PC: variants seen among roughly 807,000 people sequenced by gnomAD.
PC encodes the protein pyruvate carboxylase, mitochondrial.
Under a neutral mutation model 107.8 loss-of-function variants are expected in PC, and 46 were observed. The ratio of observed to expected loss-of-function variants is 0.43; its 90% CI spans 0.34 to 0.55. The LOEUF (loss-of-function observed/expected upper bound fraction) is 0.55, where lower values mean the gene tolerates loss of function less well. PC is among the 20% of genes least tolerant of loss of function. The pLI is 0.04. For missense variants in PC, 1,241 were observed against 1,643.1 expected (o/e 0.76, Z 4.23); for synonymous variants, 662 against 684.7 (o/e 0.97, Z 0.52).
chr11:66,894,200 T>C (rs1030822317), intron 3 of PC, among the ~76,000 whole-genome samples: 7 of 152,050 alleles, frequency 4.6e-5, no homozygotes, highest in African/African-American at 1.7e-4. Flanking sequence ...AACTCAAGTC[T>C]CCTTGGGGAC....
Position 66,865,609 on chromosome 11 carries a change from G to C in PC, c.1185+578C>G, listed in dbSNP as rs570156289. ...CTTGCTGTGCTGAGGAGCCTGCCGT[G>C]GACCGCCTCAGCGCCCCCTACACCA... On this transcript the variant is annotated intron_variant, in intron 11 of 22. Transcript: ENST00000393960. Among the ~76,000 whole-genome samples the C allele has an allele frequency of 1.6e-4, 24 of 152,232 alleles. No homozygotes were observed. The South Asian group carries it at 5.0e-3, about 32-fold the overall frequency.
At chr11:66,951,035 G>A (rs1949423323) in intron 3 of PC, among the ~76,000 whole-genome samples, 1 of 152,082 alleles carries the variant, frequency 6.6e-6, no homozygotes, top group Non-Finnish European at 1.5e-5. Flanking sequence ...ATGGTAGCAC[G>A]CAGACGGCAC....
At chr11:66,917,751 C>T (rs1349903934) in intron 3 of PC, among the ~76,000 whole-genome samples, 1 of 152,304 alleles carries the variant, frequency 6.6e-6, no homozygotes, top group South Asian at 2.1e-4. Flanking sequence ...AAACTCCTGG[C>T]ATTCTGTATA....
intron 3 of PC, among the ~76,000 whole-genome samples, chr11:66,893,989 T>C (rs1382222510): frequency 6.6e-6 from 1 of 151,956 alleles, no homozygotes; most frequent in Non-Finnish European, 1.5e-5. Flanking sequence ...TCCTTCCCTC[T>C]TTTCATTTCT....
intron 3 of PC, among the ~76,000 whole-genome samples, chr11:66,905,299 GCC>G (rs1948123504): frequency 6.6e-6 from 1 of 152,212 alleles, no homozygotes; most frequent in Non-Finnish European, 1.5e-5. Flanking sequence ...GCTTGGCCTG[GCC>G]CTTAGCAAGG....
At position 66,871,292 on chromosome 11, in the gene PC, C is replaced by T. The variant is rs773608019; in HGVS notation, c.487+23G>A. 3 of 1,614,084 alleles carry T rather than the reference C, an allele frequency of 1.9e-6. No homozygotes were observed. In the East Asian group the frequency reaches 6.7e-5, roughly 36 times the overall value. On this transcript the variant is annotated intron_variant, in intron 6 of 22. Coordinates refer to ENST00000393960, the MANE Select transcript of PC (RefSeq NM_001040716.2). The surrounding 1 kb of genome is among the most constrained non-coding windows in gnomAD (Gnocchi z 7.4). ...CCTCTCCAGGAGCTGCGGGGCCACC[C>T]CTTGCTTGCCCGTTATATTCACCCG...
In PC at chr11:66,871,777, C is replaced by T; in HGVS notation, c.231G>A (p.Arg77=). The T allele has an allele frequency of 6.2e-7, 1 of 1,602,336 alleles. No individual in the cohort carries two copies. The stretch of plus-strand genomic sequence containing the variant: ...TGAGATAGGCTTCATCTGCTTTCTG[C>T]CGGTGCATCTGGCCCGTGTCCTGCT... ...YSEQDTGQMH[R]QKADEAYLIG... Residue 77 remains arginine, a synonymous_variant, in exon 5 of 23, where the codon CGG becomes CGA. Transcript: ENST00000393960. This position sits in a 1 kb window ranked among gnomAD's most constrained non-coding sequence, Gnocchi z 7.4.
At chr11:66,860,404 C>T in intron 12 of PC, 1 of 749,108 alleles carries the variant, frequency 1.3e-6, no homozygotes, top group South Asian at 1.5e-5. Context: ...CTCACAGCCA[C>T]CGAGGCAGGG....
At chr11:66,924,368 C>G (rs372493208) in intron 3 of PC, among the ~76,000 whole-genome samples, 1 of 8,354 alleles carries the variant, frequency 1.2e-4, no homozygotes, top group Non-Finnish European at 3.1e-4. Context: ...CCCATCTCTA[C>G]CAAAAAAAAA....
In PC at chr11:66,850,104, A is replaced by G. The variant is rs749220384; in HGVS notation, c.2731T>C (p.Ser911Pro). 1 of 1,613,702 alleles carries G rather than the reference A, an allele frequency of 6.2e-7. No individual in the cohort carries two copies. The highest frequency in any genetic ancestry group is 1.1e-5 in the South Asian group (1 of 91,088). ...TGGGCCAGGTCCCCCACGATCTTGG[A>G]GGAGGGCGTCACCTGAGGAGAAGGC... is the stretch of plus-strand genomic sequence containing the variant. ...LGDLIKVTPSSKIVGDLAQFM... is the reference protein window; with the variant it reads ...LGDLIKVTPSPKIVGDLAQFM... The change falls in exon 20 of 23, where the codon TCC becomes CCC. Residue 911 changes from serine (S) to proline (P), a missense_variant. Transcript: ENST00000393960.
chr11:66,892,821 T>C (rs968203237), intron 3 of PC, among the ~76,000 whole-genome samples: 4 of 151,936 alleles, frequency 2.6e-5, no homozygotes, highest in African/African-American at 9.7e-5. Flanking sequence ...CGCCACTGCA[T>C]TCTAGCCTGG....
At chr11:66,853,580 G>T (rs1371263328) in intron 12 of PC, among the ~76,000 whole-genome samples, 197 bp from the exon 13 acceptor site, 2 of 152,194 alleles carry the variant, frequency 1.3e-5, no homozygotes, top group Non-Finnish European at 2.9e-5. Context: ...GTCACGGGCT[G>T]GGCCTGCTCC....
intron 3 of PC, among the ~76,000 whole-genome samples, chr11:66,887,359 G>A (rs990340910): frequency 9.9e-5 from 15 of 152,262 alleles, no homozygotes; most frequent in East Asian, 3.9e-4. Context: ...GAACATTGAG[G>A]AGAAAAGTAA....
At chr11:66,862,945 G>A (rs932470921) in intron 12 of PC, among the ~76,000 whole-genome samples, 1 of 152,250 alleles carries the variant, frequency 6.6e-6, no homozygotes, top group Admixed American at 6.5e-5. Context: ...CAGGTGAGGA[G>A]AGCAGGGGGC....
At chr11:66,869,609 G>A (rs1017532073) in intron 9 of PC, among the ~76,000 whole-genome samples, 4 of 152,178 alleles carry the variant, frequency 2.6e-5, no homozygotes, top group African/African-American at 4.8e-5. Context: ...TCGATGCCTC[G>A]CATTAGCTGT....
intron 2 of PC, among the ~76,000 whole-genome samples, chr11:66,953,220 G>A (rs533414731): frequency 5.3e-5 from 8 of 152,262 alleles, no homozygotes; most frequent in Admixed American, 1.3e-4. Context: ...TGCCCACTCC[G>A]TCCAGCCTCA....
In PC at chr11:66,871,564, G is replaced by A; in HGVS notation, c.322-84C>T. ...AGCCTCTTCCCCTGCCTAACCTGCT[G>A]AGCTGCATCCGTTTACCCACCCACG... On this transcript the variant is annotated intron_variant, in intron 5 of 22. Coordinates refer to ENST00000393960, the MANE Select transcript of PC (RefSeq NM_001040716.2). The surrounding 1 kb of genome is among the most constrained non-coding windows in gnomAD (Gnocchi z 7.4). 5.0e-6 allele frequency: 8 copies of A among 1,594,714 alleles called. No individual in the cohort carries two copies. Among genetic ancestry groups the A allele is most frequent in the Non-Finnish European group, 6.9e-6 (8 of 1,164,332 alleles).
chr11:66,880,595 A>T (rs1269571724), intron 3 of PC, among the ~76,000 whole-genome samples: 3 of 152,196 alleles, frequency 2.0e-5, no homozygotes, highest in African/African-American at 7.2e-5. Flanking sequence ...CAGACACTGG[A>T]GTATGCCAGC....
At chr11:66,879,087 G>A (rs1947089423) in intron 3 of PC, among the ~76,000 whole-genome samples, 1 of 152,142 alleles carries the variant, frequency 6.6e-6, no homozygotes, top group Admixed American at 6.5e-5. Flanking sequence ...CCTCCCAGAT[G>A]AACAGAGGGC....
Sources: allele counts gnomAD v4.1 joint callset (sites outside exome capture counted in the v4.1 genomes callset), GRCh38; gene constraint gnomAD v4.1.1; non-coding constraint Gnocchi (gnomAD v3.1); transcripts MANE v1.5; gene names NCBI Gene and HGNC (gene_info 2026-07-23, HGNC 2026-07-21).